Variants in GRM7 observed in about 807,000 individuals in gnomAD.
The protein encoded by GRM7 is metabotropic glutamate receptor 7.
GRM7 carries 35 observed loss-of-function variants against 84.5 expected under a neutral mutation model. That is an observed-to-expected ratio of 0.41 (90% confidence interval 0.32 to 0.55). The LOEUF (loss-of-function observed/expected upper bound fraction) is 0.55, where lower values mean the gene tolerates loss of function less well. Ranked by LOEUF, GRM7 falls within the 20% of genes least tolerant of loss-of-function variation. The pLI, the probability that GRM7 is intolerant of heterozygous loss-of-function variation, is 0.19. For missense variants in GRM7, 1,003 were observed against 1,194.6 expected, an observed-to-expected ratio of 0.84 and a Z score of 2.36; for synonymous variants, 487 against 455.1, an observed-to-expected ratio of 1.07 and a Z score of -0.89.
chr3:7,620,862 A>C (rs1697325416), intron 8 of GRM7, among the ~76,000 whole-genome samples: 1 of 151,826 alleles, frequency 6.6e-6, no homozygotes, highest in East Asian at 1.9e-4. Context: ...TCTTTTTTCC[A>C]GTGATGGAGC....
intron 1 of GRM7, among the ~76,000 whole-genome samples, chr3:6,969,851 A>T (rs1199766454): frequency 6.6e-6 from 1 of 152,220 alleles, no homozygotes; most frequent in Non-Finnish European, 1.5e-5. Context: ...ATGTTCCCAG[A>T]GTACAAGAGA....
At chr3:7,121,100 G>T (rs1317628882) in intron 1 of GRM7, among the ~76,000 whole-genome samples, 1 of 152,042 alleles carries the variant, frequency 6.6e-6, no homozygotes, top group East Asian at 1.9e-4. Flanking sequence ...ATAATTGTTT[G>T]TTGAACTATA....
At chr3:6,983,019 CT>C (rs1229266868) in intron 1 of GRM7, among the ~76,000 whole-genome samples, 1 of 151,984 alleles carries the variant, frequency 6.6e-6, no homozygotes, top group African/African-American at 2.4e-5. Flanking sequence ...CTTACCATGG[CT>C]TTTGAAGAAA....
chr3:7,487,809 T>G (rs1699378146), intron 7 of GRM7, among the ~76,000 whole-genome samples: 2 of 152,192 alleles, frequency 1.3e-5, no homozygotes, highest in Admixed American at 1.3e-4. Flanking sequence ...TGAATGGATA[T>G]GTGAGGCTGA....
chr3:7,344,090 G>GT (rs546442588), intron 4 of GRM7, among the ~76,000 whole-genome samples: 2,224 of 146,696 alleles, frequency 0.015, 25 homozygotes, highest in Non-Finnish European at 0.02. Context: ...ATCAAATCAT[G>GT]TTTTTTTTTT....
At position 7,381,065 on chromosome 3, in the gene GRM7, C is replaced by T. The variant is rs1694569839; in HGVS notation, c.1034-33958C>T. Among the ~76,000 whole-genome samples, 5 of 152,130 alleles carry T rather than the reference C, an allele frequency of 3.3e-5. No individual in the cohort carries two copies. The South Asian group carries it at 1.0e-3, about 32-fold the overall frequency. ...GAAGCAGAAGAAATTTATCATTCTT[C>T]TCTTAGTTTCGTCAGTAGAGGGCTC... On this transcript the variant is annotated intron_variant, in intron 4 of 9. Transcript: ENST00000357716.
chr3:7,703,188 C>A (rs56136033), intron 9 of GRM7, among the ~76,000 whole-genome samples: 17,123 of 152,064 alleles, frequency 0.11, 1,633 homozygotes, highest in African/African-American at 0.26. Flanking sequence ...TAATGTTCTC[C>A]ACTCTGATCT....
chr3:7,215,989 A>C (rs1045052375), intron 2 of GRM7, among the ~76,000 whole-genome samples: 1 of 152,230 alleles, frequency 6.6e-6, no homozygotes, highest in African/African-American at 2.4e-5. Context: ...CAGGAATAAG[A>C]ACTGTAAAAT....
chr3:6,870,104 G>A (rs1044528711), intron 1 of GRM7, among the ~76,000 whole-genome samples: 5 of 151,042 alleles, frequency 3.3e-5, no homozygotes, highest in Non-Finnish European at 4.4e-5. Flanking sequence ...ACATTCTCAT[G>A]TGTGAAAACA....
chr3:7,466,992 A>G (rs1698485454), intron 7 of GRM7, among the ~76,000 whole-genome samples: 1 of 152,218 alleles, frequency 6.6e-6, no homozygotes, highest in Non-Finnish European at 1.5e-5. Context: ...TTTTGTTAAT[A>G]TATAAAATCA....
chr3:7,031,981 T>C (rs1393568679), intron 1 of GRM7, among the ~76,000 whole-genome samples: 2 of 152,170 alleles, frequency 1.3e-5, no homozygotes, highest in African/African-American at 4.8e-5. Context: ...TCCTCTAGCA[T>C]TGATCAGGCA....
chr3:6,909,262 A>T (rs1450758023), intron 1 of GRM7, among the ~76,000 whole-genome samples: 1 of 152,144 alleles, frequency 6.6e-6, no homozygotes, highest in African/African-American at 2.4e-5. Context: ...TATTACTACT[A>T]AGCCTGCCCT....
At chr3:7,026,491 C>T (rs1050314224) in intron 1 of GRM7, among the ~76,000 whole-genome samples, 6 of 152,090 alleles carry the variant, frequency 3.9e-5, no homozygotes, top group Admixed American at 1.3e-4. Context: ...TTTCTATCCC[C>T]GGGAATTTTC....
intron 4 of GRM7, among the ~76,000 whole-genome samples, chr3:7,412,963 GA>G (rs1181617185): frequency 2.6e-5 from 4 of 151,314 alleles, no homozygotes; most frequent in Admixed American, 2.6e-4. Flanking sequence ...AGAAAGTTTA[GA>G]AAAAAACCTC....
chr3:7,206,246 G>T (rs1696235683), intron 2 of GRM7, among the ~76,000 whole-genome samples: 1 of 152,140 alleles, frequency 6.6e-6, no homozygotes, highest in South Asian at 2.1e-4. Flanking sequence ...ATTTAAATCT[G>T]CTAATTCTGC....
chr3:7,131,566 C>A (rs1355900520), intron 1 of GRM7, among the ~76,000 whole-genome samples: 1 of 152,104 alleles, frequency 6.6e-6, no homozygotes, highest in African/African-American at 2.4e-5. Context: ...GAAACCTCTG[C>A]CTCTCATGTT....
intron 9 of GRM7, among the ~76,000 whole-genome samples, chr3:7,693,439 G>T (rs919542243): frequency 6.6e-6 from 1 of 151,934 alleles, no homozygotes; most frequent in Non-Finnish European, 1.5e-5. Context: ...TGGCCACCAG[G>T]GTCATTATCA....
intron 2 of GRM7, among the ~76,000 whole-genome samples, chr3:7,280,328 T>C (rs1459863813): frequency 6.6e-6 from 1 of 152,224 alleles, no homozygotes; most frequent in Non-Finnish European, 1.5e-5. Context: ...TTGTGTGACA[T>C]TTGGCATATC....
intron 2 of GRM7, among the ~76,000 whole-genome samples, chr3:7,208,474 A>C (rs1696311854): frequency 6.6e-6 from 1 of 152,160 alleles, no homozygotes; most frequent in Non-Finnish European, 1.5e-5. Flanking sequence ...TGCGGGATAC[A>C]GATTTATTTT....
Sources: gnomAD v4.1 joint callset for allele counts (sites outside exome capture counted in the v4.1 genomes callset) on GRCh38, gnomAD v4.1.1 for gene constraint, MANE v1.5 for transcripts, NCBI Gene and HGNC (gene_info 2026-07-23, HGNC 2026-07-21) for gene names.